SPRTN: variants seen among roughly 807,000 people sequenced by gnomAD.
SPRTN encodes the protein SprT-like N-terminal domain.
SPRTN carries 11 observed loss-of-function variants against 31.9 expected under a neutral mutation model. The observed-to-expected ratio is 0.34, with a 90% CI of 0.22 to 0.57. The LOEUF is 0.57. Ranked by LOEUF, SPRTN falls within the 20% of genes least tolerant of loss-of-function variation. The pLI, the probability that SPRTN is intolerant of heterozygous loss-of-function variation, is 0.86. For synonymous variants in SPRTN, 185 were observed against 212.1 expected (o/e 0.87, Z 1.11); for missense variants, 482 against 590.1 (o/e 0.82, Z 1.90).
intron 2 of SPRTN, chr1:231,344,783 C>T: frequency 3.7e-6 from 1 of 268,598 alleles, no homozygotes; most frequent in Non-Finnish European, 8.4e-6. Context: ...GCAAAAACCC[C>T]AGCAATCTTA....
chr1:231,339,513 C>T, intron 1 of SPRTN: 1 of 693,334 alleles, frequency 1.4e-6, no homozygotes, highest in Non-Finnish European at 2.6e-6. Context: ...TGCCTGCAGC[C>T]TTCCACCTTC....
In SPRTN at chr1:231,352,707, G is replaced by C. The variant is rs1248962375; in HGVS notation, c.816G>C (p.Leu272=). The change falls in exon 5 of 5, where the codon CTG becomes CTC. Residue 272 remains leucine (L), a synonymous_variant. Coordinates refer to ENST00000295050, the MANE Select transcript of SPRTN (RefSeq NM_032018.7). ...ETSNLPSPGK[L]ITSHAINKTQ... ...GCAATTTACCTTCACCTGGGAAACT[G>C]ATCACTTCACATGCCATTAATAAAA... 2.5e-6 allele frequency: 4 copies of C among 1,614,038 alleles called. No homozygotes were observed. The South Asian group carries it at 4.4e-5, about 18-fold the overall frequency.
intron 2 of SPRTN, among the ~76,000 whole-genome samples, chr1:231,340,980 T>C (rs1686869257): frequency 6.6e-6 from 1 of 151,824 alleles, no homozygotes; most frequent in African/African-American, 2.4e-5. Flanking sequence ...TAAAAATGGG[T>C]AAGTTGGGGA....
At chr1:231,338,824 C>T (rs954253042) in intron 1 of SPRTN, among the ~76,000 whole-genome samples, 1 of 152,174 alleles carries the variant, frequency 6.6e-6, no homozygotes, top group African/African-American at 2.4e-5. Flanking sequence ...CACACCGCCA[C>T]GGTTGGACTC....
chr1:231,341,825 A>T (rs1368423747), intron 2 of SPRTN, among the ~76,000 whole-genome samples: 1 of 152,118 alleles, frequency 6.6e-6, no homozygotes, highest in Non-Finnish European at 1.5e-5. Context: ...CGTCTCTACT[A>T]AAAATACAAA....
At chr1:231,340,280 T>C (rs1367796781) in intron 2 of SPRTN, among the ~76,000 whole-genome samples, 3 of 151,806 alleles carry the variant, frequency 2.0e-5, no homozygotes, top group African/African-American at 7.3e-5. Flanking sequence ...GGCAGGAGAA[T>C]GGCATGAACT....
At chr1:231,349,996 G>C (rs1004530064) in intron 3 of SPRTN, among the ~76,000 whole-genome samples, 6 of 152,172 alleles carry the variant, frequency 3.9e-5, no homozygotes, top group Non-Finnish European at 7.4e-5. Context: ...TGGGCAAACA[G>C]AGCAAGTCCA....
chr1:231,342,239 A>AT (rs924560885), intron 2 of SPRTN, among the ~76,000 whole-genome samples: 2 of 152,220 alleles, frequency 1.3e-5, no homozygotes, highest in African/African-American at 2.4e-5. Context: ...TGGGTAAATG[A>AT]TTACATAAAC....
At chr1:231,349,201 C>T (rs1687149759) in intron 3 of SPRTN, among the ~76,000 whole-genome samples, 1 of 152,014 alleles carries the variant, frequency 6.6e-6, no homozygotes, top group African/African-American at 2.4e-5. Flanking sequence ...TGGTCTTGAA[C>T]TCATGGGTTC....
At chr1:231,352,129 G>C in intron 4 of SPRTN, 1 of 989,482 alleles carries the variant, frequency 1.0e-6, no homozygotes, top group Non-Finnish European at 1.2e-6. Flanking sequence ...GAAGTTCAGA[G>C]TTACTGAAGA....
intron 2 of SPRTN, among the ~76,000 whole-genome samples, chr1:231,344,337 C>G (rs1468590306): frequency 1.3e-5 from 2 of 151,984 alleles, no homozygotes; most frequent in African/African-American, 2.4e-5. Flanking sequence ...GACCTTGTCT[C>G]TACAAAAAAT....
chr1:231,348,063 C>A, intron 3 of SPRTN, 138 bp downstream of exon 3: 1 of 1,226,408 alleles, frequency 8.2e-7, no homozygotes, highest in Non-Finnish European at 1.1e-6. Flanking sequence ...CCTAGAGAAG[C>A]AAATTGGCTT....
chr1:231,343,420 G>A (rs1362933503), intron 2 of SPRTN, among the ~76,000 whole-genome samples: 2 of 152,072 alleles, frequency 1.3e-5, no homozygotes, highest in Non-Finnish European at 2.9e-5. Context: ...CCTAACAATG[G>A]ATTTTTCAGA....
At chr1:231,339,472 C>A in intron 1 of SPRTN, 1 of 611,712 alleles carries the variant, frequency 1.6e-6, no homozygotes, top group Non-Finnish European at 3.0e-6. Flanking sequence ...CCCCGTTGTA[C>A]ACCAGGTACG....
At chr1:231,343,101 T>C (rs1686947873) in intron 2 of SPRTN, among the ~76,000 whole-genome samples, 1 of 152,174 alleles carries the variant, frequency 6.6e-6, no homozygotes, top group Non-Finnish European at 1.5e-5. Context: ...CTTACCATTA[T>C]GTTGCACTTG....
chr1:231,352,863 C>T lies in SPRTN; in HGVS notation c.972C>T (p.His324=). 6.2e-7 allele frequency: 1 copy of T among 1,614,074 alleles called. No individual in the cohort carries two copies. Among genetic ancestry groups the T allele is most frequent in the Non-Finnish European group, 8.5e-7 (1 of 1,179,968 alleles). Residue 324 remains histidine (H), a synonymous_variant, in exon 5 of 5, where the codon CAC becomes CAT. Transcript: ENST00000295050. Reference sequence around the variant, plus strand: ...TCTCCCCTGCTGTTAGTAACAGTCACCAAAATGTTCTAAGCAACTACTTTC... The same window carrying T: ...TCTCCCCTGCTGTTAGTAACAGTCATCAAAATGTTCTAAGCAACTACTTTC... The part of the protein sequence containing the change: ...HLVSPAVSNS[H]QNVLSNYFPR...
rs377314326 is a variant in SPRTN at position 231,352,829 on chromosome 1, C to A, written c.938C>A (p.Ser313Tyr). The change falls in exon 5 of 5, where the codon TCT (serine) becomes TAT (tyrosine). Residue 313 changes from serine (S) to tyrosine (Y), a missense_variant. Physicochemically the swap from Ser to Tyr is moderately radical, Grantham distance 144 (BLOSUM62 -2). Coordinates refer to ENST00000295050, the MANE Select transcript of SPRTN (RefSeq NM_032018.7). ...KFEQNGSSKN[S>Y]HLVSPAVSNS... ...GAACAGAATGGTTCAAGTAAAAATT[C>A]TCATCTGGTCTCCCCTGCTGTTAGT... 1 of 1,613,612 alleles carries A rather than the reference C, an allele frequency of 6.2e-7. No individual in the cohort carries two copies. Among genetic ancestry groups the A allele is most frequent in the Non-Finnish European group, 8.5e-7 (1 of 1,179,868 alleles).
chr1:231,349,450 A>C (rs1349948047), intron 3 of SPRTN, among the ~76,000 whole-genome samples: 3 of 152,220 alleles, frequency 2.0e-5, no homozygotes, highest in Non-Finnish European at 4.4e-5. Context: ...AAATACATTA[A>C]GTTTCTTAAC....
At position 231,354,317 on chromosome 1, in the gene SPRTN, C is replaced by CT; in HGVS notation, c.*961dup. 1.0e-6 allele frequency: 1 copy of CT among 984,372 alleles called. No homozygotes were observed. Among genetic ancestry groups the CT allele is most frequent in the South Asian group, 4.7e-5 (1 of 21,260 alleles). The allele number at this position is 984,372 out of a possible 1,614,324, so 61.0% of individuals were successfully genotyped here. ...GGACAAAGAGACTTTTATCAGTTTG[C>CT]TTTTTGTCTTGTGGCTGTACATGCT... On this transcript the variant is annotated 3_prime_UTR_variant, in exon 5 of 5. Coordinates refer to ENST00000295050, the MANE Select transcript of SPRTN (RefSeq NM_032018.7).
Sources: gnomAD v4.1 joint callset for allele counts (sites outside exome capture counted in the v4.1 genomes callset) on GRCh38, gnomAD v4.1.1 for gene constraint, MANE v1.5 for transcripts, NCBI Gene and HGNC (gene_info 2026-07-23, HGNC 2026-07-21) for gene names.